NLGN1: variants seen among roughly 807,000 people sequenced by gnomAD.
NLGN1 encodes neuroligin-1.
NLGN1 carries 12 observed loss-of-function variants against 65.5 expected under a neutral mutation model. The ratio of observed to expected loss-of-function variants is 0.18; its 90% CI spans 0.12 to 0.30. NLGN1 has a LOEUF of 0.30. Among genes scored for constraint, NLGN1 ranks in the 10% least tolerant of loss-of-function variants. The probability of loss-of-function intolerance (pLI) is 1.00; values close to 1 mark genes in which losing one functional copy is unlikely to be tolerated. For missense variants in NLGN1, 750 were observed against 1,007.1 expected, an observed-to-expected ratio of 0.74 and a Z score of 3.46; for synonymous variants, 350 against 359.5, an observed-to-expected ratio of 0.97 and a Z score of 0.30.
chr3:173,725,640 C>T (rs932290786), intron 3 of NLGN1, among the ~76,000 whole-genome samples: 6 of 152,198 alleles, frequency 3.9e-5, no homozygotes, highest in South Asian at 2.1e-4. Flanking sequence ...TCACTACAAG[C>T]GTGGCTTCTT....
chr3:173,479,406 G>A (rs592978), intron 2 of NLGN1, among the ~76,000 whole-genome samples: 15,690 of 152,172 alleles, frequency 0.1, 882 homozygotes, highest in Admixed American at 0.14. Context: ...AATTGGGTAG[G>A]TCAGGAATAG....
At chr3:174,022,709 T>TA (rs199632890) in intron 4 of NLGN1, among the ~76,000 whole-genome samples, 139 of 151,808 alleles carry the variant, frequency 9.2e-4, no homozygotes, top group African/African-American at 3.2e-3. Context: ...GGCTCTAGAT[T>TA]TTTTTTTCTG....
chr3:174,201,825 A>G (rs1249453834), intron 4 of NLGN1, among the ~76,000 whole-genome samples: 1 of 152,086 alleles, frequency 6.6e-6, no homozygotes, highest in East Asian at 1.9e-4. Context: ...GTTCCACAGC[A>G]CTTATTTCCC....
chr3:173,909,505 CA>C, intron 4 of NLGN1, among the ~76,000 whole-genome samples: 1 of 152,280 alleles, frequency 6.6e-6, no homozygotes. Flanking sequence ...AATGAAGACT[CA>C]CTTGTTCAAT....
chr3:174,259,415 C>CT (rs1484462725), intron 4 of NLGN1, among the ~76,000 whole-genome samples: 1 of 151,832 alleles, frequency 6.6e-6, no homozygotes, highest in Non-Finnish European at 1.5e-5. Flanking sequence ...CACCCTCACA[C>CT]TTTTTTTGGA....
chr3:173,847,850 C>T (rs756921447), intron 4 of NLGN1, among the ~76,000 whole-genome samples: 22 of 151,386 alleles, frequency 1.5e-4, no homozygotes, highest in African/African-American at 4.9e-4. Flanking sequence ...CTAGCCTGGG[C>T]GACAGAGTGA....
At chr3:173,544,706 A>G (rs1170648458) in intron 2 of NLGN1, among the ~76,000 whole-genome samples, 3 of 152,188 alleles carry the variant, frequency 2.0e-5, no homozygotes, top group African/African-American at 7.2e-5. Context: ...GCCTAGATAT[A>G]CAGATTTGGA....
intron 4 of NLGN1, among the ~76,000 whole-genome samples, chr3:173,985,420 G>T (rs964831530): frequency 6.6e-6 from 1 of 152,114 alleles, no homozygotes; most frequent in Non-Finnish European, 1.5e-5. Context: ...CAGGCCAAGA[G>T]AACTTTTATC....
At chr3:174,177,930 A>G (rs1051936842) in intron 4 of NLGN1, among the ~76,000 whole-genome samples, 21 of 152,108 alleles carry the variant, frequency 1.4e-4, no homozygotes, top group Non-Finnish European at 2.4e-4. Flanking sequence ...GGAAGGCAGA[A>G]GAGTGAAGTG....
chr3:174,021,505 A>C (rs1038050696), intron 4 of NLGN1, among the ~76,000 whole-genome samples: 1 of 152,140 alleles, frequency 6.6e-6, no homozygotes, highest in Non-Finnish European at 1.5e-5. Context: ...CAAAAATTAT[A>C]ATTTGGCCTC....
chr3:173,534,298 T>A (rs1737091536), intron 2 of NLGN1, among the ~76,000 whole-genome samples: 2 of 152,218 alleles, frequency 1.3e-5, no homozygotes, highest in South Asian at 4.1e-4. Context: ...AATAGTGTTT[T>A]CACTTTATCT....
chr3:173,826,377 C>T (rs1369572512), intron 4 of NLGN1, among the ~76,000 whole-genome samples: 3 of 151,946 alleles, frequency 2.0e-5, no homozygotes, highest in Non-Finnish European at 2.9e-5. Context: ...CAAAGGAACC[C>T]ATAACATTGG....
intron 4 of NLGN1, among the ~76,000 whole-genome samples, chr3:173,817,595 G>T (rs2150511489): frequency 6.6e-6 from 1 of 152,250 alleles, no homozygotes; most frequent in African/African-American, 2.4e-5. Context: ...TGATAATGGA[G>T]TCAATCAAAC....
intron 3 of NLGN1, among the ~76,000 whole-genome samples, chr3:173,660,914 C>T (rs1387347017): frequency 1.3e-5 from 2 of 151,938 alleles, no homozygotes; most frequent in Non-Finnish European, 2.9e-5. Context: ...CAAACATTAC[C>T]TCTTCATGTA....
chr3:173,529,486 T>C (rs142995507), intron 2 of NLGN1, among the ~76,000 whole-genome samples: 1,768 of 152,286 alleles, frequency 0.012, 40 homozygotes, highest in African/African-American at 0.04. Context: ...TGGGGGCTCC[T>C]GGTTAAATGC....
At chr3:173,932,876 G>A (rs1156482505) in intron 4 of NLGN1, among the ~76,000 whole-genome samples, 1 of 152,132 alleles carries the variant, frequency 6.6e-6, no homozygotes, top group Admixed American at 6.6e-5. Context: ...AGGAGGTGCT[G>A]TATTATAGCT....
chr3:173,837,553 T>C (rs6445122), intron 4 of NLGN1, among the ~76,000 whole-genome samples: 113,391 of 151,982 alleles, frequency 0.75, 42,893 homozygotes, highest in African/African-American at 0.84. Flanking sequence ...GTAAAAGAAA[T>C]GGCTGTCACC....
chr3:174,290,665 T>C (rs1272201371), downstream of NLGN1, among the ~76,000 whole-genome samples: 1 of 151,034 alleles, frequency 6.6e-6, no homozygotes, highest in East Asian at 1.9e-4. Context: ...ATATAAGCAA[T>C]GAAAGATTAA....
intron 4 of NLGN1, among the ~76,000 whole-genome samples, chr3:174,082,001 C>G (rs1237649307): frequency 9.9e-5 from 15 of 152,118 alleles, no homozygotes; most frequent in Admixed American, 9.8e-4. Context: ...GTTGATGATT[C>G]CAATGTGAGC....
Sources: gnomAD v4.1 joint callset for allele counts (sites outside exome capture counted in the v4.1 genomes callset) on GRCh38, gnomAD v4.1.1 for gene constraint, MANE v1.5 for transcripts, NCBI Gene and HGNC (gene_info 2026-07-23, HGNC 2026-07-21) for gene names.